The following COL12A1 variants were observed in gnomAD, a reference collection of about 807,000 sequenced individuals.
COL12A1 encodes the protein collagen alpha-1(XII) chain.
COL12A1 carries 114 observed loss-of-function variants against 349.7 expected under a neutral mutation model. The observed-to-expected ratio is 0.33, with a 90% CI of 0.28 to 0.38. The LOEUF (loss-of-function observed/expected upper bound fraction) is 0.38. Among genes scored for constraint, COL12A1 ranks in the 10% least tolerant of loss-of-function variants. The pLI is 1.00. For missense variants in COL12A1, 3,284 were observed against 3,756.9 expected, an observed-to-expected ratio of 0.87 and a Z score of 3.29; for synonymous variants, 1,369 against 1,329.0, an observed-to-expected ratio of 1.03 and a Z score of -0.66.
chr6:75,199,079 A>G (rs1305873346), intron 2 of COL12A1, among the ~76,000 whole-genome samples: 1 of 152,228 alleles, frequency 6.6e-6, no homozygotes, highest in Non-Finnish European at 1.5e-5. Flanking sequence ...AATATTTTAG[A>G]ATAAGCTACA....
At chr6:75,123,140 A>G (rs1412742293) in intron 43 of COL12A1, among the ~76,000 whole-genome samples, 190 bp downstream of exon 43, 1 of 152,222 alleles carries the variant, frequency 6.6e-6, no homozygotes, top group Non-Finnish European at 1.5e-5. Context: ...GATTTTATTC[A>G]CACCAAAATG....
At chr6:75,109,720 C>T (rs1003385312) in intron 51 of COL12A1, among the ~76,000 whole-genome samples, 4 of 152,048 alleles carry the variant, frequency 2.6e-5, no homozygotes, top group Non-Finnish European at 5.9e-5. Context: ...ATTCAATTTT[C>T]TTTTAAGGAA....
chr6:75,204,434 A>C (rs541078408), intron 1 of COL12A1, among the ~76,000 whole-genome samples: 1 of 152,232 alleles, frequency 6.6e-6, no homozygotes, highest in South Asian at 2.1e-4. Context: ...TTCCCGACTT[A>C]GCTGCAAGAA....
At chr6:75,101,841 C>T (rs1323289857) in intron 57 of COL12A1, 158 bp downstream of exon 57, 2 of 982,844 alleles carry the variant, frequency 2.0e-6, no homozygotes, top group Non-Finnish European at 3.1e-6. Context: ...AATTGAATAG[C>T]ACCAACTTGA....
chr6:75,098,992 T>G (rs1768182237), intron 58 of COL12A1, among the ~76,000 whole-genome samples: 2 of 152,212 alleles, frequency 1.3e-5, no homozygotes, highest in South Asian at 4.1e-4. Flanking sequence ...GATTTCTGAG[T>G]CAGGTCATTT....
In COL12A1 at chr6:75,089,169, G is replaced by A. The variant is rs768999017; in HGVS notation, c.8947C>T (p.Pro2983Ser). 7 of 1,608,230 alleles carry A rather than the reference G, an allele frequency of 4.4e-6. No individual in the cohort carries two copies. The highest frequency in any genetic ancestry group is 5.9e-6 in the Non-Finnish European group (7 of 1,178,182). Residue 2983 changes from proline (P) to serine (S), a missense_variant, in exon 64 of 66, where the codon CCA becomes TCA. By Grantham distance (74) the Pro-to-Ser change is moderately conservative. Transcript: ENST00000322507. ...MQGPPGERGL[P>S]GEKGERGTGS... ...GTACCCCTTTCACCTTTCTCTCCTG[G>A]CAAACCTAAGGAGGGAGAAAAAGAG...
intron 2 of COL12A1, among the ~76,000 whole-genome samples, chr6:75,199,324 A>G (rs577106410): frequency 6.6e-6 from 1 of 152,334 alleles, no homozygotes; most frequent in South Asian, 2.1e-4. Flanking sequence ...GATGATCTCT[A>G]TGTTAGCCTC....
intron 13 of COL12A1, among the ~76,000 whole-genome samples, chr6:75,170,392 T>A (rs1299559721): frequency 6.6e-6 from 1 of 152,222 alleles, no homozygotes; most frequent in African/African-American, 2.4e-5. Context: ...ACAGAAGATC[T>A]GCTTGTGGAT....
At position 75,183,972 on chromosome 6, in the gene COL12A1, A is replaced by G. The variant is rs1454901638; in HGVS notation, c.1170T>C (p.Ser390=). 2 of 1,614,042 alleles carry G rather than the reference A, an allele frequency of 1.2e-6. No homozygotes were observed. The highest frequency in any genetic ancestry group is 1.3e-5 in the African/African-American group (1 of 74,918). Residue 390 remains serine (S), a synonymous_variant, in exon 9 of 66, where the codon AGT becomes AGC. Transcript: ENST00000322507. ...LSVGPQTTTL[S]VRDLSADTEY... is the part of the protein sequence containing the mutation. ...CTGTGTCTGCTGAGAGGTCGCGAAC[A>G]CTGAGCGTGGTTGTCTGAGGCCCCA... is the stretch of plus-strand genomic sequence containing the variant.
intron 26 of COL12A1, 80 bp from the exon 27 acceptor site, chr6:75,142,241 C>T: frequency 6.6e-7 from 1 of 1,509,986 alleles, no homozygotes; most frequent in Non-Finnish European, 9.1e-7. Context: ...CTGTACCTGT[C>T]AGCGTAAGAA....
chr6:75,110,046 A>G (rs1335670052), intron 51 of COL12A1, among the ~76,000 whole-genome samples: 1 of 152,092 alleles, frequency 6.6e-6, no homozygotes, highest in South Asian at 2.1e-4. Flanking sequence ...CCCACATGGA[A>G]TCACCGCCAA....
rs532988430 is a variant in COL12A1, at chr6:75,112,377, G to GT, written c.7950+826dup. Among the ~76,000 whole-genome samples the GT allele has an allele frequency of 3.1e-4, 47 of 151,710 alleles. 1 individual carries two copies. In the East Asian group the frequency reaches 8.5e-3, roughly 27 times the overall value. ...ACATACCCCTGAACTTAAAATAGAA[G>GT]TTTTTTTAAAAAGTCTATTCCTAAC... On this transcript the variant is annotated intron_variant, in intron 51 of 65. Coordinates refer to ENST00000322507, the MANE Select transcript of COL12A1 (RefSeq NM_004370.6).
intron 3 of COL12A1, among the ~76,000 whole-genome samples, chr6:75,193,017 G>A (rs1562316904): frequency 6.6e-6 from 1 of 152,148 alleles, no homozygotes. Flanking sequence ...AAACCTGGTG[G>A]TTCCTGGGAA....
chr6:75,129,211 C>T lies in COL12A1; in HGVS notation c.6211-786G>A, dbSNP rs559368971. Among the ~76,000 whole-genome samples, 44 of 152,308 alleles carry T rather than the reference C, an allele frequency of 2.9e-4. 1 individual carries two copies. The South Asian group carries it at 7.7e-3, about 27-fold the overall frequency. On this transcript the variant is annotated intron_variant, in intron 37 of 65. Coordinates refer to ENST00000322507, the MANE Select transcript of COL12A1 (RefSeq NM_004370.6). ...CTAACTGTAGTAGTACTGTTTATCTCATTTTGATCAGAAACTATAAATGGT... is the reference window on the plus strand; with the variant it reads ...CTAACTGTAGTAGTACTGTTTATCTTATTTTGATCAGAAACTATAAATGGT...
intron 11 of COL12A1, among the ~76,000 whole-genome samples, chr6:75,178,828 T>A (rs928255300): frequency 6.6e-6 from 1 of 152,054 alleles, no homozygotes; most frequent in Non-Finnish European, 1.5e-5. Context: ...AGGAAGGAAG[T>A]ATATCTCTCT....
chr6:75,193,430 T>C (rs1224614640), intron 3 of COL12A1, among the ~76,000 whole-genome samples: 1 of 152,176 alleles, frequency 6.6e-6, no homozygotes, highest in East Asian at 1.9e-4. Context: ...TGTAAAATCA[T>C]TGGTATTTTT....
At chr6:75,095,074 C>T (rs776153353) in intron 60 of COL12A1, 34 bp downstream of exon 60, 11 of 1,595,408 alleles carry the variant, frequency 6.9e-6, no homozygotes, top group Admixed American at 5.1e-5. Flanking sequence ...CACGGTGAAA[C>T]CACTGTCAGT....
chr6:75,133,881 C>T lies in COL12A1; in HGVS notation c.5641G>A (p.Ala1881Thr), dbSNP rs1766438596. 1 of 1,614,116 alleles carries T rather than the reference C, an allele frequency of 6.2e-7. No homozygotes were observed. Among genetic ancestry groups the T allele is most frequent in the African/African-American group, 1.3e-5 (1 of 75,048 alleles). Residue 1881 changes from alanine to threonine, a missense_variant, in exon 33 of 66, where the codon GCA becomes ACA. This residue lies in a region of COL12A1 where 2,601 missense variants were observed against 2,824.8 expected (regional missense o/e 0.92). Transcript: ENST00000322507. ...ACCAGTTCCTCTGGACCACCTGCTG[C>T]TGGTGCATAGAAGAGCTTGTACTGA... The part of the protein sequence containing the change: ...PRQYKLFYAP[A>T]AGGPEELVPI...
intron 59 of COL12A1, among the ~76,000 whole-genome samples, chr6:75,095,490 G>A (rs1445094280): frequency 6.6e-6 from 1 of 151,728 alleles, no homozygotes; most frequent in African/African-American, 2.4e-5. Flanking sequence ...GGTGGCGGGC[G>A]CCTGTAGTCC....
Sources: gnomAD v4.1 joint callset for allele counts (sites outside exome capture counted in the v4.1 genomes callset) on GRCh38, gnomAD v4.1.1 for gene constraint, gnomAD v4.1.1 regional missense constraint, MANE v1.5 for transcripts, NCBI Gene and HGNC (gene_info 2026-07-23, HGNC 2026-07-21) for gene names.